Variants in KATNIP observed in about 807,000 individuals in gnomAD.
KATNIP encodes the protein katanin interacting protein.
KATNIP carries 126 observed loss-of-function variants against 174.0 expected under a neutral mutation model. The ratio of observed to expected loss-of-function variants is 0.72; its 90% CI spans 0.63 to 0.84. The LOEUF is 0.84. Among genes scored for constraint, KATNIP ranks in the 40% least tolerant of loss-of-function variants. The pLI, the probability that KATNIP is intolerant of heterozygous loss-of-function variation, is 0.00. For synonymous variants in KATNIP, 810 were observed against 835.7 expected (o/e 0.97, Z 0.53); for missense variants, 1,958 against 2,109.7 (o/e 0.93, Z 1.41).
intron 1 of KATNIP, among the ~76,000 whole-genome samples, chr16:27,556,400 T>G (rs936954463): frequency 1.3e-5 from 2 of 152,210 alleles, no homozygotes; most frequent in Non-Finnish European, 2.9e-5. Context: ...TTTAAAAATA[T>G]GAAATGGTTT....
rs188345702 is a variant in KATNIP, at chr16:27,750,225, G to A, written c.3265G>A (p.Val1089Met). The A allele has an allele frequency of 8.7e-6, 14 of 1,613,996 alleles. No homozygotes were observed. The East Asian group carries it at 1.1e-4, about 13-fold the overall frequency. ...ATCTCGGATACATTCCTTCCGAGGC[G>A]TGAAGGACATCACAATGCTGTTAGA... ...NKSRIHSFRG[V>M]KDITMLLDTQ... Residue 1089 changes from valine (V) to methionine (M), a missense_variant, in exon 16 of 28, where the codon GTG becomes ATG. Val to Met is a conservative substitution (Grantham distance 21). Coordinates refer to ENST00000261588, the MANE Select transcript of KATNIP (RefSeq NM_015202.5).
intron 13 of KATNIP, chr16:27,718,847 C>T (rs2080077554): frequency 6.6e-6 from 1 of 151,002 alleles, no homozygotes; most frequent in African/African-American, 2.4e-5. Context: ...ACAAAAGCCA[C>T]CTCCTCCCTC....
At chr16:27,659,393 C>T (rs190435206) in intron 6 of KATNIP, among the ~76,000 whole-genome samples, 49 of 151,836 alleles carry the variant, frequency 3.2e-4, no homozygotes, top group African/African-American at 1.0e-3. Context: ...ACCTCTAGTC[C>T]CAGCTGCTCG....
At chr16:27,632,452 T>C (rs1006101452) in intron 5 of KATNIP, 1 of 367,622 alleles carries the variant, frequency 2.7e-6, no homozygotes, top group East Asian at 7.7e-5. Context: ...CAGTTGAGCT[T>C]CATGCCTCTC....
intron 1 of KATNIP, among the ~76,000 whole-genome samples, chr16:27,559,207 T>C (rs1567434279): frequency 6.6e-6 from 1 of 152,196 alleles, no homozygotes; most frequent in African/African-American, 2.4e-5. Flanking sequence ...TGATGTCCCA[T>C]GGGGCTTTGC....
At chr16:27,636,093 G>A (rs1056096451) in intron 5 of KATNIP, among the ~76,000 whole-genome samples, 12 of 152,150 alleles carry the variant, frequency 7.9e-5, no homozygotes, top group Non-Finnish European at 1.3e-4. Context: ...GTTCAAGGGT[G>A]CAGTGAGCCA....
At chr16:27,579,670 C>T (rs1034470467) in intron 2 of KATNIP, among the ~76,000 whole-genome samples, 2 of 152,074 alleles carry the variant, frequency 1.3e-5, no homozygotes, top group African/African-American at 4.8e-5. Flanking sequence ...AGCCCCAGGG[C>T]CCTCATTCTT....
intron 18 of KATNIP, among the ~76,000 whole-genome samples, chr16:27,757,085 T>G (rs1218241208): frequency 6.6e-6 from 1 of 152,202 alleles, no homozygotes; most frequent in Non-Finnish European, 1.5e-5. Context: ...TTTCTTTGCT[T>G]GCTGTTATTG....
chr16:27,553,428 A>C (rs2089475923), intron 1 of KATNIP, among the ~76,000 whole-genome samples: 1 of 152,202 alleles, frequency 6.6e-6, no homozygotes, highest in South Asian at 2.1e-4. Flanking sequence ...ATTTCTGCCA[A>C]ATTCCCAAGA....
intron 13 of KATNIP, among the ~76,000 whole-genome samples, chr16:27,713,826 A>ACACATAT (rs1567337020): frequency 8.1e-5 from 4 of 49,684 alleles, no homozygotes; most frequent in African/African-American, 3.2e-4. Context: ...ATATATATAT[A>ACACATAT]TATATATATA....
At chr16:27,698,762 C>T (rs191336435) in intron 9 of KATNIP, among the ~76,000 whole-genome samples, 1 of 152,358 alleles carries the variant, frequency 6.6e-6, no homozygotes, top group East Asian at 1.9e-4. Context: ...CACTGATTTC[C>T]CTGCAAACCC....
chr16:27,741,066 A>G, intron 15 of KATNIP, 146 bp downstream of exon 15: 1 of 811,136 alleles, frequency 1.2e-6, no homozygotes, highest in South Asian at 1.9e-5. Flanking sequence ...TCACTGTCTC[A>G]GGGGCCAAAG....
chr16:27,741,437 CAAAGAAAAA>C (rs780006025), intron 15 of KATNIP, among the ~76,000 whole-genome samples: 1 of 151,226 alleles, frequency 6.6e-6, no homozygotes, highest in East Asian at 1.9e-4. Flanking sequence ...GACTCTGTCT[CAAAGAAAAA>C]AAAGAAAAAA....
At chr16:27,630,500 T>C (rs2076452573) in intron 4 of KATNIP, among the ~76,000 whole-genome samples, 1 of 152,218 alleles carries the variant, frequency 6.6e-6, no homozygotes, top group Non-Finnish European at 1.5e-5. Context: ...ACTCAGAGTG[T>C]AGCTTGAGCT....
At chr16:27,553,947 T>TAG (rs1377447118) in intron 1 of KATNIP, among the ~76,000 whole-genome samples, 4 of 124,588 alleles carry the variant, frequency 3.2e-5, no homozygotes, top group Admixed American at 2.0e-4. Flanking sequence ...AGACCTTGTC[T>TAG]AGAGAGAGAG....
chr16:27,670,167 A>G (rs950803105), intron 6 of KATNIP, among the ~76,000 whole-genome samples: 1 of 152,196 alleles, frequency 6.6e-6, no homozygotes, highest in African/African-American at 2.4e-5. Flanking sequence ...TAGAGTTGCC[A>G]TTTTTAAAAA....
At chr16:27,567,279 A>G (rs2090127895) in intron 1 of KATNIP, among the ~76,000 whole-genome samples, 1 of 152,154 alleles carries the variant, frequency 6.6e-6, no homozygotes, top group Non-Finnish European at 1.5e-5. Flanking sequence ...GACATTGCAT[A>G]TTTTAAGTTT....
At chr16:27,591,481 G>A (rs1173382597) in intron 2 of KATNIP, among the ~76,000 whole-genome samples, 4 of 152,030 alleles carry the variant, frequency 2.6e-5, no homozygotes, top group African/African-American at 9.7e-5. Flanking sequence ...ACGCCTGGCC[G>A]GAGTTGTGCT....
Position 27,572,760 on chromosome 16 carries a change from A to G in KATNIP, c.8-1141A>G, listed in dbSNP as rs114562927. Among the ~76,000 whole-genome samples, 650 of 152,306 alleles carry G rather than the reference A, an allele frequency of 4.3e-3. 2 individuals are homozygous for G. The highest frequency in any genetic ancestry group is 0.017 in the Middle Eastern group (5 of 294). On this transcript the variant is annotated intron_variant, in intron 1 of 27. Transcript: ENST00000261588. The stretch of plus-strand genomic sequence containing the variant: ...TAGGGTATCATTATGAGCTGACCAG[A>G]TAAACCAAAAGATGTCTTCTCCCAT...
Sources: allele counts gnomAD v4.1 joint callset (sites outside exome capture counted in the v4.1 genomes callset), GRCh38; gene constraint gnomAD v4.1.1; transcripts MANE v1.5; gene names NCBI Gene and HGNC (gene_info 2026-07-23, HGNC 2026-07-21).